Variants in CUX1 observed in about 807,000 individuals in gnomAD.
CUX1 encodes the protein protein CASP.
CUX1 carries 31 observed loss-of-function variants against 158.8 expected under a neutral mutation model. The ratio of observed to expected loss-of-function variants is 0.20; its 90% CI spans 0.15 to 0.26. CUX1 has a LOEUF of 0.26. Among genes scored for constraint, CUX1 ranks in the 10% least tolerant of loss-of-function variants. The probability of loss-of-function intolerance (pLI) is 1.00; values close to 1 mark genes in which losing one functional copy is unlikely to be tolerated. For missense variants in CUX1, 1,589 were observed against 2,014.6 expected (o/e 0.79, Z 4.04); for synonymous variants, 879 against 862.1 (o/e 1.02, Z -0.34).
chr7:101,844,995 G>T (rs1795537560), intron 1 of CUX1, among the ~76,000 whole-genome samples: 2 of 152,114 alleles, frequency 1.3e-5, no homozygotes, highest in Admixed American at 6.6e-5. Context: ...GCACTTTACT[G>T]ACCCTTTGAT....
intron 9 of CUX1, among the ~76,000 whole-genome samples, chr7:102,169,934 T>C (rs1791528073): frequency 6.6e-6 from 1 of 152,184 alleles, no homozygotes; most frequent in Non-Finnish European, 1.5e-5. Context: ...AAGCCCGGCC[T>C]TTACAAAAGC....
chr7:101,942,840 T>G (rs2129141273), intron 2 of CUX1, among the ~76,000 whole-genome samples: 1 of 152,302 alleles, frequency 6.6e-6, no homozygotes, highest in African/African-American at 2.4e-5. Flanking sequence ...TCTTGGTGCC[T>G]GGGGTGGTGG....
chr7:102,197,380 G>C, intron 15 of CUX1, 75 bp downstream of exon 15: 2 of 1,454,732 alleles, frequency 1.4e-6, no homozygotes, highest in Non-Finnish European at 1.9e-6. Context: ...GCATGCGTGC[G>C]TGTGTCTGTG....
intron 3 of CUX1, among the ~76,000 whole-genome samples, chr7:102,069,192 C>G (rs551591473): frequency 6.6e-6 from 1 of 152,174 alleles, no homozygotes; most frequent in South Asian, 2.1e-4. Context: ...TCCTCCCTGC[C>G]CCCTCCTGTG....
chr7:101,914,055 CT>C (rs75163624), intron 1 of CUX1, among the ~76,000 whole-genome samples: 314 of 144,770 alleles, frequency 2.2e-3, no homozygotes, highest in Middle Eastern at 3.7e-3. Flanking sequence ...TTCGGTTGCT[CT>C]TTTTTTTTTT....
chr7:101,997,429 C>T lies in CUX1; in HGVS notation c.142-30669C>T, dbSNP rs547992141. On this transcript the variant is annotated intron_variant, in intron 2 of 23. Transcript: ENST00000292535. ...TGCAATCTGGGCTCACTGCAACCTC[C>T]GCCTCTTGGGTTCAAGAGATTCTCC... is the stretch of plus-strand genomic sequence containing the variant. 7.2e-5 allele frequency among the ~76,000 whole-genome samples: 11 copies of T among 152,314 alleles called. No individual in the cohort carries two copies. In the East Asian group the frequency reaches 1.4e-3, roughly 19 times the overall value.
Position 102,125,949 on chromosome 7 carries a change from C to T in CUX1, c.674+10676C>T, listed in dbSNP as rs552496294. 3.7e-4 allele frequency among the ~76,000 whole-genome samples: 57 copies of T among 152,118 alleles called. 1 individual carries two copies. The South Asian group carries it at 0.012, about 31-fold the overall frequency. ...GTTCAAGCAATCTTCCCACCTCAGC[C>T]ACCCAAGTAGCTGGAATTATAGGCT... On this transcript the variant is annotated intron_variant, in intron 8 of 23. Transcript: ENST00000292535.
chr7:102,008,075 A>G (rs925694316), intron 2 of CUX1, among the ~76,000 whole-genome samples: 10 of 152,200 alleles, frequency 6.6e-5, no homozygotes, highest in African/African-American at 2.2e-4. Flanking sequence ...CCCAGCTGGT[A>G]TCTTCCATCT....
At chr7:101,943,294 A>T (rs1453391158) in intron 2 of CUX1, among the ~76,000 whole-genome samples, 1 of 151,172 alleles carries the variant, frequency 6.6e-6, no homozygotes, top group Non-Finnish European at 1.5e-5. Context: ...TTTAGTAGAG[A>T]CGGGTTTTCA....
At chr7:101,823,916 AAAACC>A (rs781557499) in intron 1 of CUX1, among the ~76,000 whole-genome samples, 7 of 152,188 alleles carry the variant, frequency 4.6e-5, no homozygotes, top group East Asian at 1.9e-4. Context: ...AGCATATGAA[AAAACC>A]AAACCAAACC....
intron 2 of CUX1, among the ~76,000 whole-genome samples, chr7:101,975,468 G>T (rs1036937768): frequency 6.6e-6 from 1 of 151,946 alleles, no homozygotes; most frequent in Admixed American, 6.6e-5. Context: ...GAGGTGGGAG[G>T]ATCACTTGAG....
At chr7:102,020,285 G>A (rs761637145) in intron 2 of CUX1, among the ~76,000 whole-genome samples, 5 of 152,216 alleles carry the variant, frequency 3.3e-5, no homozygotes, top group Non-Finnish European at 5.9e-5. Context: ...GAACGATGCC[G>A]TGTTGATGGT....
rs149888621 is a variant in CUX1, at chr7:102,022,236, T to C, written c.142-5862T>C. On this transcript the variant is annotated intron_variant, in intron 2 of 23. Transcript: ENST00000292535. ...ACATCAGAATGGTTTCCTCCAGCAATTGGCATTACCTAGAAAATTCCTTAA... is the reference window on the plus strand; with the variant it reads ...ACATCAGAATGGTTTCCTCCAGCAACTGGCATTACCTAGAAAATTCCTTAA... Among the ~76,000 whole-genome samples the C allele has an allele frequency of 5.3e-5, 8 of 152,314 alleles. No individual in the cohort carries two copies. The East Asian group carries it at 1.5e-3, about 29-fold the overall frequency.
intron 20 of CUX1, among the ~76,000 whole-genome samples, chr7:102,212,740 G>A (rs1018938431): frequency 6.1e-5 from 8 of 130,366 alleles, no homozygotes; most frequent in African/African-American, 1.7e-4. Context: ...TTTATTCCAC[G>A]CAGATGGGGG....
chr7:101,935,166 A>G (rs1806768161), intron 2 of CUX1, among the ~76,000 whole-genome samples: 1 of 152,080 alleles, frequency 6.6e-6, no homozygotes, highest in African/African-American at 2.4e-5. Context: ...AACTGATGAC[A>G]TTATCTTGTG....
intron 2 of CUX1, among the ~76,000 whole-genome samples, chr7:101,939,750 C>G (rs999294981): frequency 1.3e-5 from 2 of 151,558 alleles, no homozygotes; most frequent in Admixed American, 6.6e-5. Flanking sequence ...TCACTTGAGC[C>G]TGGGAGTTTG....
chr7:102,169,856 GT>G (rs1170431317), intron 9 of CUX1, among the ~76,000 whole-genome samples: 3 of 152,188 alleles, frequency 2.0e-5, no homozygotes, highest in Non-Finnish European at 4.4e-5. Context: ...GATTGGCCTG[GT>G]TGGCTGAAAA....
At chr7:101,867,344 C>G (rs1231884097) in intron 1 of CUX1, among the ~76,000 whole-genome samples, 1 of 152,210 alleles carries the variant, frequency 6.6e-6, no homozygotes, top group Non-Finnish European at 1.5e-5. Context: ...TCGTAATGTG[C>G]TCGCCCTGCC....
chr7:102,250,363 G>T lies in CUX1; in HGVS notation c.*1321G>T, dbSNP rs782412431. 130 of 985,410 alleles carry T rather than the reference G, an allele frequency of 1.3e-4. No homozygotes were observed. The highest frequency in any genetic ancestry group is 1.5e-4 in the Non-Finnish European group (121 of 830,048). The allele number at this position is 985,410 out of a possible 1,614,324, so 61.0% of individuals were successfully genotyped here. Reference sequence around the variant, plus strand: ...TACGGATCTCTCTCTGGCACAGAAGGCACCTCACCTCACACCACTCTCCTG... The same window carrying T: ...TACGGATCTCTCTCTGGCACAGAAGTCACCTCACCTCACACCACTCTCCTG... On this transcript the variant is annotated 3_prime_UTR_variant, in exon 24 of 24. Transcript: ENST00000292535.
Sources: allele counts gnomAD v4.1 joint callset (sites outside exome capture counted in the v4.1 genomes callset), GRCh38; gene constraint gnomAD v4.1.1; transcripts MANE v1.5; gene names NCBI Gene and HGNC (gene_info 2026-07-23, HGNC 2026-07-21).